The following RAB3GAP1 variants were observed in gnomAD, a reference collection of about 807,000 sequenced individuals.
RAB3GAP1 encodes RAB3 GTPase activating protein catalytic subunit 1.
RAB3GAP1 carries 86 observed loss-of-function variants against 130.7 expected under a neutral mutation model. That is an observed-to-expected ratio of 0.66 (90% CI 0.55 to 0.79). The LOEUF is 0.79. RAB3GAP1 is among the 30% of genes least tolerant of loss of function. The pLI, the probability that RAB3GAP1 is intolerant of heterozygous loss-of-function variation, is 0.00. For missense variants in RAB3GAP1, 1,029 were observed against 1,169.4 expected (o/e 0.88, Z 1.75); for synonymous variants, 367 against 401.7 (o/e 0.91, Z 1.03).
intron 3 of RAB3GAP1, among the ~76,000 whole-genome samples, chr2:135,084,240 C>A (rs1330798163): frequency 1.3e-5 from 2 of 152,100 alleles, no homozygotes; most frequent in African/African-American, 4.8e-5. Context: ...AGCGAAACTC[C>A]CTCTCAGAAA....
intron 3 of RAB3GAP1, among the ~76,000 whole-genome samples, chr2:135,081,761 C>G (rs1323936492): frequency 6.6e-6 from 1 of 151,976 alleles, no homozygotes; most frequent in East Asian, 1.9e-4. Flanking sequence ...TCTGCACATT[C>G]GGATTATAAA....
intron 17 of RAB3GAP1, among the ~76,000 whole-genome samples, chr2:135,140,799 A>G (rs1264663791): frequency 6.6e-6 from 1 of 152,206 alleles, no homozygotes; most frequent in Admixed American, 6.5e-5. Context: ...TTATTTGCAC[A>G]AAGTGTTTAG....
intron 17 of RAB3GAP1, chr2:135,137,260 T>A (rs1321322599): frequency 4.9e-6 from 2 of 409,054 alleles, no homozygotes; most frequent in Non-Finnish European, 9.7e-6. Context: ...TGTCTGTAGT[T>A]AAAGGTATTG....
chr2:135,154,846 G>A (rs1051346543), intron 19 of RAB3GAP1, among the ~76,000 whole-genome samples: 28 of 151,954 alleles, frequency 1.8e-4, no homozygotes, highest in African/African-American at 5.3e-4. Context: ...AGGATCTTGC[G>A]GAAATGAAAG....
chr2:135,075,362 A>G (rs1689602464), intron 3 of RAB3GAP1, among the ~76,000 whole-genome samples: 1 of 152,204 alleles, frequency 6.6e-6, no homozygotes, highest in South Asian at 2.1e-4. Flanking sequence ...TCTACTTTTC[A>G]GAACAACTTT....
At position 135,150,398 on chromosome 2, in the gene RAB3GAP1, A is replaced by G; in HGVS notation, c.1953A>G (p.Leu651=). 1 of 1,614,194 alleles carries G rather than the reference A, an allele frequency of 6.2e-7. No individual in the cohort carries two copies. The highest frequency in any genetic ancestry group is 8.5e-7 in the Non-Finnish European group (1 of 1,180,028). ...CAGCACCTATGACAGAAGATCTGCT[A>G]GAAGAGCAGTCTGAAGTTTTAGCTA... ...QEPAPMTEDL[L]EEQSEVLAKL... Residue 651 remains leucine, a synonymous_variant, in exon 18 of 24, where the codon CTA becomes CTG. Transcript: ENST00000264158.
chr2:135,106,325 TG>T (rs1159273927), intron 5 of RAB3GAP1, among the ~76,000 whole-genome samples: 2 of 152,056 alleles, frequency 1.3e-5, no homozygotes, highest in Admixed American at 6.5e-5. Context: ...AAGGGGGAAA[TG>T]TGGGGAAACG....
At chr2:135,104,659 C>T (rs1690539973) in intron 5 of RAB3GAP1, among the ~76,000 whole-genome samples, 1 of 151,428 alleles carries the variant, frequency 6.6e-6, no homozygotes, top group African/African-American at 2.4e-5. Context: ...TCAAGACCAG[C>T]CTGGACAACA....
At chr2:135,105,674 C>T (rs1397389821) in intron 5 of RAB3GAP1, among the ~76,000 whole-genome samples, 4 of 152,046 alleles carry the variant, frequency 2.6e-5, no homozygotes, top group Admixed American at 6.5e-5. Flanking sequence ...AAGTGAGGAG[C>T]GTCTCTGCCT....
chr2:135,117,557 TGC>T (rs1691031066), intron 7 of RAB3GAP1, among the ~76,000 whole-genome samples: 1 of 115,744 alleles, frequency 8.6e-6, no homozygotes, highest in Admixed American at 9.9e-5. Context: ...CTTCTTCTTC[TGC>T]TTCTTCTTCT....
intron 7 of RAB3GAP1, among the ~76,000 whole-genome samples, chr2:135,118,661 T>C (rs564514859): frequency 6.6e-6 from 1 of 152,318 alleles, no homozygotes; most frequent in Non-Finnish European, 1.5e-5. Flanking sequence ...TCTCTAGTGA[T>C]TCTGTAGTTT....
chr2:135,066,779 G>T (rs180705620), intron 3 of RAB3GAP1, among the ~76,000 whole-genome samples: 1 of 152,238 alleles, frequency 6.6e-6, no homozygotes. Context: ...TTTTAGCCTT[G>T]TAATTTTATG....
At chr2:135,132,542 TTTTG>T (rs1216097279) in intron 13 of RAB3GAP1, among the ~76,000 whole-genome samples, 1 of 152,160 alleles carries the variant, frequency 6.6e-6, no homozygotes, top group African/African-American at 2.4e-5. Flanking sequence ...TCTTTTGTGG[TTTTG>T]TTTTTTAGAT....
At chr2:135,164,756 G>A in intron 23 of RAB3GAP1, 60 bp downstream of exon 23, 2 of 1,391,892 alleles carry the variant, frequency 1.4e-6, no homozygotes, top group East Asian at 2.4e-5. Flanking sequence ...TTGGGAAGAG[G>A]CTGTTTTAGT....
At chr2:135,137,155 A>G in intron 17 of RAB3GAP1, 1 of 375,486 alleles carries the variant, frequency 2.7e-6, no homozygotes, top group Non-Finnish European at 5.1e-6. Flanking sequence ...ATATGAAGGA[A>G]ATCCTCAGCA....
intron 3 of RAB3GAP1, among the ~76,000 whole-genome samples, chr2:135,061,194 A>G (rs1689160731): frequency 6.6e-6 from 1 of 152,134 alleles, no homozygotes; most frequent in South Asian, 2.1e-4. Context: ...TTTTATGAAT[A>G]TACATGGTTT....
intron 3 of RAB3GAP1, among the ~76,000 whole-genome samples, chr2:135,081,361 TACA>T (rs1689812864): frequency 1.4e-5 from 1 of 71,270 alleles, no homozygotes; most frequent in African/African-American, 7.9e-5. Flanking sequence ...TATATATATA[TACA>T]CACACGTGTG....
At chr2:135,069,974 T>G (rs940981363) in intron 3 of RAB3GAP1, among the ~76,000 whole-genome samples, 17 of 152,224 alleles carry the variant, frequency 1.1e-4, no homozygotes, top group Admixed American at 1.1e-3. Flanking sequence ...GTCTCACCTC[T>G]CCTGAGCTAA....
chr2:135,080,116 C>CAAAA (rs764426198), intron 3 of RAB3GAP1, among the ~76,000 whole-genome samples: 3,410 of 73,208 alleles, frequency 0.047, 83 homozygotes, highest in Non-Finnish European at 0.05. Flanking sequence ...GACTCCGTCT[C>CAAAA]AAAAAAAAAA....
Sources: gnomAD v4.1 joint callset for allele counts (sites outside exome capture counted in the v4.1 genomes callset) on GRCh38, gnomAD v4.1.1 for gene constraint, MANE v1.5 for transcripts, NCBI Gene and HGNC (gene_info 2026-07-23, HGNC 2026-07-21) for gene names.